Variants in SNX29 observed in about 807,000 individuals in gnomAD.
SNX29 encodes the protein sorting nexin 29, also known as sorting nexin-29.
A neutral mutation model predicts 102.1 loss-of-function variants in SNX29; 78 were observed. That is an observed-to-expected ratio of 0.76 (90% CI 0.64 to 0.92). SNX29 has a LOEUF of 0.92. Among genes scored for constraint, SNX29 ranks in the 40% least tolerant of loss-of-function variants. The probability of loss-of-function intolerance (pLI) is 0.00; values close to 1 mark genes in which losing one functional copy is unlikely to be tolerated. For missense variants in SNX29, 1,280 were observed against 1,061.7 expected, an observed-to-expected ratio of 1.21 and a Z score of -2.86; for synonymous variants, 580 against 414.5, an observed-to-expected ratio of 1.40 and a Z score of -4.85.
intron 20 of SNX29, among the ~76,000 whole-genome samples, chr16:12,553,698 C>T (rs972837732): frequency 6.6e-6 from 1 of 151,254 alleles, no homozygotes; most frequent in Non-Finnish European, 1.5e-5. Context: ...TCAAACAATT[C>T]TGCCTCAGCC....
At chr16:11,985,833 CTT>C (rs571058575) in intron 1 of SNX29, among the ~76,000 whole-genome samples, 26 of 135,416 alleles carry the variant, frequency 1.9e-4, no homozygotes, top group Admixed American at 3.0e-4. Context: ...ATTGCCTTAT[CTT>C]TTTTTTTTTT....
At chr16:12,394,890 G>A (rs1251407189) in intron 16 of SNX29, among the ~76,000 whole-genome samples, 1 of 152,156 alleles carries the variant, frequency 6.6e-6, no homozygotes, top group Non-Finnish European at 1.5e-5. Flanking sequence ...GCTTTGTGGA[G>A]TGGGCAGCCT....
At chr16:12,117,098 G>C (rs1347601860) in intron 11 of SNX29, among the ~76,000 whole-genome samples, 2 of 132,736 alleles carry the variant, frequency 1.5e-5, no homozygotes, top group Non-Finnish European at 3.2e-5. Context: ...TGGTCAATAC[G>C]TGCTTCAGTG....
chr16:11,992,185 T>G (rs1288300210), intron 1 of SNX29, among the ~76,000 whole-genome samples: 3 of 152,048 alleles, frequency 2.0e-5, no homozygotes, highest in African/African-American at 7.2e-5. Context: ...TCCCAGCTAC[T>G]TGGGAGGCTG....
At chr16:12,434,456 G>T (rs919652796) in intron 18 of SNX29, among the ~76,000 whole-genome samples, 5 of 152,160 alleles carry the variant, frequency 3.3e-5, no homozygotes, top group African/African-American at 1.2e-4. Flanking sequence ...GGGCGAGGGA[G>T]CCGATGTTCA....
chr16:12,562,826 C>G (rs1037909596), intron 20 of SNX29, among the ~76,000 whole-genome samples: 1 of 152,138 alleles, frequency 6.6e-6, no homozygotes, highest in Non-Finnish European at 1.5e-5. Context: ...CCCAAATTTC[C>G]TAGCATTCCC....
chr16:12,060,937 C>G (rs746944171), intron 8 of SNX29: 11 of 448,352 alleles, frequency 2.5e-5, no homozygotes, highest in Non-Finnish European at 4.0e-5. Context: ...CTGATTCTGT[C>G]CTTTTACCCA....
chr16:12,523,654 C>T (rs1168503280), intron 19 of SNX29, among the ~76,000 whole-genome samples: 1 of 152,200 alleles, frequency 6.6e-6, no homozygotes, highest in Non-Finnish European at 1.5e-5. Context: ...CCCTCTGTGA[C>T]AGCTTGGGTT....
chr16:12,478,271 A>T (rs994046497), intron 19 of SNX29, among the ~76,000 whole-genome samples: 2 of 152,206 alleles, frequency 1.3e-5, no homozygotes, highest in African/African-American at 4.8e-5. Flanking sequence ...CAGCAGCTGG[A>T]TTTGGCCTAT....
At chr16:12,485,275 C>T (rs1173264039) in intron 19 of SNX29, among the ~76,000 whole-genome samples, 3 of 152,116 alleles carry the variant, frequency 2.0e-5, no homozygotes, top group Non-Finnish European at 4.4e-5. Context: ...GCTTTAGCAG[C>T]ATGAGGGCTT....
intron 16 of SNX29, among the ~76,000 whole-genome samples, chr16:12,396,238 C>T (rs191678720): frequency 5.3e-5 from 8 of 152,260 alleles, no homozygotes; most frequent in Non-Finnish European, 7.4e-5. Context: ...CCTTTGTTTT[C>T]GATAATTGTA....
At chr16:12,507,062 G>A (rs370924750) in intron 19 of SNX29, among the ~76,000 whole-genome samples, 1 of 152,250 alleles carries the variant, frequency 6.6e-6, no homozygotes, top group African/African-American at 2.4e-5. Context: ...CAAAGATGAT[G>A]ATGATAGCTA....
At chr16:12,024,074 A>C (rs1259994701) in intron 3 of SNX29, among the ~76,000 whole-genome samples, 1 of 152,098 alleles carries the variant, frequency 6.6e-6, no homozygotes, top group African/African-American at 2.4e-5. Flanking sequence ...CAGTACAAAG[A>C]AGCTCAGAAT....
At chr16:12,369,145 T>G (rs1318628966) in intron 16 of SNX29, among the ~76,000 whole-genome samples, 1 of 152,076 alleles carries the variant, frequency 6.6e-6, no homozygotes, top group African/African-American at 2.4e-5. Context: ...CATATCTTTT[T>G]TTTTTTTTGA....
chr16:12,556,825 G>T (rs1006588594), intron 20 of SNX29, among the ~76,000 whole-genome samples: 1 of 152,060 alleles, frequency 6.6e-6, no homozygotes, highest in Non-Finnish European at 1.5e-5. Flanking sequence ...AAGCCCAGAG[G>T]AGGAACAGAA....
intron 19 of SNX29, among the ~76,000 whole-genome samples, chr16:12,483,413 G>C (rs1007643420): frequency 6.6e-6 from 1 of 151,208 alleles, no homozygotes; most frequent in East Asian, 1.9e-4. Context: ...CGCCTCCCAG[G>C]TTCAAGTGAT....
chr16:12,047,655 T>A (rs1331898056), intron 6 of SNX29, among the ~76,000 whole-genome samples: 1 of 54,738 alleles, frequency 1.8e-5, no homozygotes, highest in Non-Finnish European at 5.2e-5. Context: ...CAAGGTCTTT[T>A]TTTTTTTTTT....
chr16:12,121,855 G>A (rs2053986892), intron 11 of SNX29, among the ~76,000 whole-genome samples: 1 of 152,202 alleles, frequency 6.6e-6, no homozygotes, highest in Non-Finnish European at 1.5e-5. Context: ...CTGGAATGCA[G>A]TGGCGCGATC....
chr16:12,125,603 CTCTTTTT>C lies in SNX29; in HGVS notation c.1403-1028_1403-1022del, dbSNP rs2054173150. The stretch of plus-strand genomic sequence containing the variant: ...CAAGGGGGGCTTGTGGCTGAGATCT[CTCTTTTT>C]TTTTTTTTTTTTTTTTTTTTTTTTT... On this transcript the variant is annotated intron_variant, in intron 11 of 20. Coordinates refer to ENST00000566228, the MANE Select transcript of SNX29 (RefSeq NM_032167.5). 8.4e-5 allele frequency among the ~76,000 whole-genome samples: 6 copies of C among 71,478 alleles called. 1 individual carries two copies. Among genetic ancestry groups the C allele is most frequent in the Middle Eastern group, 7.9e-3 (1 of 126 alleles). The allele number at this position is 71,478 out of a possible 152,430, so 46.9% of individuals were successfully genotyped here. A position where few individuals can be genotyped will look rare whatever the true frequency, so the allele number is the denominator to read the frequency against.
Sources: gnomAD v4.1 joint callset for allele counts (sites outside exome capture counted in the v4.1 genomes callset) on GRCh38, gnomAD v4.1.1 for gene constraint, MANE v1.5 for transcripts, NCBI Gene and HGNC (gene_info 2026-07-23, HGNC 2026-07-21) for gene names.